The following USP10 variants were observed in gnomAD, a reference collection of about 807,000 sequenced individuals.
USP10 encodes the protein ubiquitin specific peptidase 10.
USP10 carries 22 observed loss-of-function variants against 84.5 expected under a neutral mutation model. The observed-to-expected ratio is 0.26, with a 90% CI of 0.19 to 0.37. The LOEUF (loss-of-function observed/expected upper bound fraction) is 0.37. Ranked by LOEUF, USP10 falls within the 10% of genes least tolerant of loss-of-function variation. The pLI is 1.00. For synonymous variants in USP10, 454 were observed against 387.6 expected (o/e 1.17, Z -2.01); for missense variants, 1,019 against 998.9 (o/e 1.02, Z -0.27).
intron 2 of USP10, among the ~76,000 whole-genome samples, chr16:84,736,742 G>A (rs958910158): frequency 6.6e-6 from 1 of 152,194 alleles, no homozygotes; most frequent in Non-Finnish European, 1.5e-5. Context: ...TGGTGTGGGT[G>A]TGTGTGGGTA....
At chr16:84,727,158 C>T (rs767795753) in intron 1 of USP10, among the ~76,000 whole-genome samples, 2 of 150,926 alleles carry the variant, frequency 1.3e-5, no homozygotes, top group Non-Finnish European at 2.9e-5. Context: ...TGAACTTACT[C>T]GTGCTTTTTA....
At chr16:84,768,028 C>T (rs1186779943) in intron 10 of USP10, among the ~76,000 whole-genome samples, 165 bp from the exon 11 acceptor site, 1 of 152,112 alleles carries the variant, frequency 6.6e-6, no homozygotes, top group Non-Finnish European at 1.5e-5. Flanking sequence ...AGCACATCTT[C>T]AGCAGAATTA....
At chr16:84,703,395 C>G (rs56163001) in intron 1 of USP10, among the ~76,000 whole-genome samples, 44,555 of 152,172 alleles carry the variant, frequency 0.29, 7,809 homozygotes, top group Non-Finnish European at 0.41. Flanking sequence ...GTCCTTGTCT[C>G]TGCATAGACT....
At chr16:84,721,170 G>A (rs1034550281) in intron 1 of USP10, among the ~76,000 whole-genome samples, 1 of 152,218 alleles carries the variant, frequency 6.6e-6, no homozygotes, top group African/African-American at 2.4e-5. Context: ...GGGATTACAG[G>A]TGTGAGCCAC....
intron 1 of USP10, among the ~76,000 whole-genome samples, chr16:84,714,021 G>T (rs1439337688): frequency 6.6e-6 from 1 of 152,222 alleles, no homozygotes; most frequent in Non-Finnish European, 1.5e-5. Context: ...AAAGTTCTGG[G>T]AGACTAGAAA....
chr16:84,705,715 CT>C (rs1034372044), intron 1 of USP10, among the ~76,000 whole-genome samples: 5,728 of 71,338 alleles, frequency 0.08, 49 homozygotes, highest in East Asian at 0.21. Context: ...CCCTTGCTTG[CT>C]TTTTTTTTTT....
At chr16:84,720,444 G>A (rs1907634154) in intron 1 of USP10, among the ~76,000 whole-genome samples, 1 of 152,090 alleles carries the variant, frequency 6.6e-6, no homozygotes, top group African/African-American at 2.4e-5. Context: ...TACATGGTCC[G>A]AGAAGCTCGG....
At chr16:84,726,811 G>C (rs367802303) in intron 1 of USP10, among the ~76,000 whole-genome samples, 60 of 152,358 alleles carry the variant, frequency 3.9e-4, no homozygotes, top group African/African-American at 1.4e-3. Context: ...CTTGTACTTT[G>C]CTCCCCCGAA....
Position 84,759,888 on chromosome 16 carries a change from T to C in USP10, c.1395-3T>C, listed in dbSNP as rs774206580. 1.9e-6 allele frequency: 3 copies of C among 1,613,898 alleles called. No individual in the cohort carries two copies. In the South Asian group the frequency reaches 3.3e-5, roughly 18 times the overall value. ...CTATTTAACATTTTTTCCCCATGTTTAGTGTTCGGCTAATGAATGAGTTCA... is the reference window on the plus strand; with the variant it reads ...CTATTTAACATTTTTTCCCCATGTTCAGTGTTCGGCTAATGAATGAGTTCA... On this transcript the variant is annotated splice_region_variant and splice_polypyrimidine_tract_variant and intron_variant, in intron 6 of 13. Coordinates refer to ENST00000219473, the MANE Select transcript of USP10 (RefSeq NM_005153.3).
At chr16:84,764,004 C>G (rs1246056393) in intron 9 of USP10, 82 bp from the exon 10 acceptor site, 1 of 1,456,488 alleles carries the variant, frequency 6.9e-7, no homozygotes, top group East Asian at 2.5e-5. Flanking sequence ...ATTTTTAAAA[C>G]TGCAATCGAC....
Position 84,768,304 on chromosome 16 carries a change from G to T in USP10, c.1944G>T (p.Glu648Asp). 2 of 1,610,144 alleles carry T rather than the reference G, an allele frequency of 1.2e-6. No individual in the cohort carries two copies. Among genetic ancestry groups the T allele is most frequent in the Non-Finnish European group, 1.7e-6 (2 of 1,178,048 alleles). Residue 648 changes from glutamate (E) to aspartate (D), a missense_variant, in exon 11 of 14, where the codon GAG becomes GAT. Coordinates refer to ENST00000219473, the MANE Select transcript of USP10 (RefSeq NM_005153.3). ...DKIRTVQDAL[E>D]SLVARESVQG... ...TACGCACAGTCCAGGATGCACTGGAGAGCTTGGTGGCAAGAGAATCTGTCC... is the reference window on the plus strand; with the variant it reads ...TACGCACAGTCCAGGATGCACTGGATAGCTTGGTGGCAAGAGAATCTGTCC...
At chr16:84,766,754 G>T (rs1913910847) in intron 10 of USP10, among the ~76,000 whole-genome samples, 2 of 152,198 alleles carry the variant, frequency 1.3e-5, no homozygotes, top group African/African-American at 4.8e-5. Context: ...CCTCTGAGGG[G>T]TCTCTGTGTT....
Position 84,758,796 on chromosome 16 carries a change from T to A in USP10, c.1273T>A (p.Tyr425Asn), listed in dbSNP as rs1188345173. ...GCTGATCAATAAAGGGAACTGGTGC[T>A]ACATTAATGCTGTATCCTTCCTGGA... is the stretch of plus-strand genomic sequence containing the variant. ...RGLINKGNWC[Y>N]INATLQALVA... Residue 425 changes from tyrosine (Y) to asparagine (N), a missense_variant, in exon 5 of 14, where the codon TAC (tyrosine) becomes AAC (asparagine). Coordinates refer to ENST00000219473, the MANE Select transcript of USP10 (RefSeq NM_005153.3). 6.2e-7 allele frequency: 1 copy of A among 1,612,892 alleles called. No individual in the cohort carries two copies. The highest frequency in any genetic ancestry group is 1.3e-5 in the African/African-American group (1 of 74,914).
chr16:84,757,400 GGGGTGTGTGTGTGTGTGTGTGTGT>G (rs1208504649), intron 4 of USP10, among the ~76,000 whole-genome samples: 3 of 61,168 alleles, frequency 4.9e-5, no homozygotes, highest in South Asian at 7.2e-4. Context: ...GAGAGGGGTG[GGGGTGTGTGTGTGTGTGTGTGTGT>G]GTGTGTGTGT....
chr16:84,715,496 A>T (rs113749916), intron 1 of USP10, among the ~76,000 whole-genome samples: 1 of 152,228 alleles, frequency 6.6e-6, no homozygotes, highest in African/African-American at 2.4e-5. Context: ...TCCGCCTCCC[A>T]AAGTGCTGGG....
At chr16:84,704,614 C>T in intron 1 of USP10, 1 of 1,211,260 alleles carries the variant, frequency 8.3e-7, no homozygotes. Flanking sequence ...ATAAAGGTAG[C>T]CCTTGGGGTA....
chr16:84,738,400 GA>G (rs1421512416), intron 2 of USP10, among the ~76,000 whole-genome samples: 1 of 152,162 alleles, frequency 6.6e-6, no homozygotes, highest in African/African-American at 2.4e-5. Flanking sequence ...AACAGAAAAA[GA>G]GGGCATTCTA....
rs369137532 is a variant in USP10, at chr16:84,723,859, C to G, written c.22-9576C>G. ...CCAGTTCTGTCATTCCCCAGAATGA[C>G]ATTGAGCCCCCTTGCAGCCTCTTCT... On this transcript the variant is annotated intron_variant, in intron 1 of 13. Coordinates refer to ENST00000219473, the MANE Select transcript of USP10 (RefSeq NM_005153.3). Among the ~76,000 whole-genome samples, 3 of 152,338 alleles carry G rather than the reference C, an allele frequency of 2.0e-5. 1 individual carries two copies. Among genetic ancestry groups the G allele is most frequent in the Admixed American group, 1.3e-4 (2 of 15,304 alleles).
intron 1 of USP10, among the ~76,000 whole-genome samples, chr16:84,703,810 G>C (rs968676585): frequency 1.3e-5 from 2 of 152,198 alleles, no homozygotes; most frequent in African/African-American, 4.8e-5. Context: ...GAGCAGCCGC[G>C]CCGTACCAGG....
Sources: allele counts gnomAD v4.1 joint callset (sites outside exome capture counted in the v4.1 genomes callset), GRCh38; gene constraint gnomAD v4.1.1; transcripts MANE v1.5; gene names NCBI Gene and HGNC (gene_info 2026-07-23, HGNC 2026-07-21).